Variants in BABAM2 observed in about 807,000 individuals in gnomAD.
BABAM2 encodes the protein BRISC and BRCA1-A complex member 2.
In BABAM2, 31 loss-of-function variants were observed where a neutral mutation model predicts 54.7. That is an observed-to-expected ratio of 0.57 (90% CI 0.43 to 0.77). The LOEUF is 0.77. Ranked by LOEUF, BABAM2 falls within the 30% of genes least tolerant of loss-of-function variation. The probability of loss-of-function intolerance (pLI) is 0.00; values close to 1 mark genes in which losing one functional copy is unlikely to be tolerated. For synonymous variants in BABAM2, 167 were observed against 162.9 expected (o/e 1.03, Z -0.19); for missense variants, 364 against 455.8 (o/e 0.80, Z 1.83).
At chr2:28,248,207 C>CTTTTTTTTTTTTTT (rs780563394) in intron 10 of BABAM2, among the ~76,000 whole-genome samples, 25 of 54,302 alleles carry the variant, frequency 4.6e-4, no homozygotes, top group African/African-American at 6.0e-4. Context: ...TTTTCTTTTT[C>CTTTTTTTTTTTTTT]TTTTTTTTTT....
chr2:28,098,599 C>T (rs371174761), intron 6 of BABAM2, among the ~76,000 whole-genome samples: 28 of 152,206 alleles, frequency 1.8e-4, no homozygotes, highest in African/African-American at 6.7e-4. Flanking sequence ...CCCTTGCTTC[C>T]CTATGAACTA....
At chr2:28,272,796 G>A (rs533246585) in intron 10 of BABAM2, among the ~76,000 whole-genome samples, 1 of 152,308 alleles carries the variant, frequency 6.6e-6, no homozygotes, top group South Asian at 2.1e-4. Context: ...CGAGGGTTCT[G>A]TGGGAATCAG....
At chr2:28,066,033 C>G (rs1421237183) in intron 6 of BABAM2, among the ~76,000 whole-genome samples, 1 of 150,470 alleles carries the variant, frequency 6.6e-6, no homozygotes, top group African/African-American at 2.4e-5. Context: ...GTGACACATG[C>G]CTGTAGTCCC....
At chr2:28,283,681 G>A (rs921986513) in intron 10 of BABAM2, among the ~76,000 whole-genome samples, 17 of 152,228 alleles carry the variant, frequency 1.1e-4, no homozygotes, top group African/African-American at 3.9e-4. Flanking sequence ...GGAGGTAGGT[G>A]TGGAGGGAAC....
At chr2:28,252,314 A>C (rs1329480750) in intron 10 of BABAM2, among the ~76,000 whole-genome samples, 1 of 152,240 alleles carries the variant, frequency 6.6e-6, no homozygotes, top group East Asian at 1.9e-4. Context: ...AGATAAAAGA[A>C]AATTTACTAA....
chr2:27,954,078 A>G (rs1669926153), intron 3 of BABAM2, among the ~76,000 whole-genome samples: 2 of 152,166 alleles, frequency 1.3e-5, no homozygotes, highest in Admixed American at 6.5e-5. Flanking sequence ...CGGTGCACAA[A>G]CTTGGGCACA....
At chr2:27,889,050 TCTC>T (rs1460362984), upstream of BABAM2, among the ~76,000 whole-genome samples, 2 of 152,262 alleles carry the variant, frequency 1.3e-5, no homozygotes, top group African/African-American at 4.8e-5. Flanking sequence ...TGTTGCTTCT[TCTC>T]GTTACACAGT....
At chr2:28,065,740 G>T (rs1227789578) in intron 6 of BABAM2, among the ~76,000 whole-genome samples, 3 of 152,030 alleles carry the variant, frequency 2.0e-5, no homozygotes, top group Admixed American at 1.3e-4. Context: ...GCCCTGCCTG[G>T]TTTTGCCTTT....
intron 2 of BABAM2, among the ~76,000 whole-genome samples, chr2:27,918,909 TA>T (rs1667166932): frequency 6.6e-6 from 1 of 152,258 alleles, no homozygotes; most frequent in African/African-American, 2.4e-5. Context: ...AGGCTGGTCT[TA>T]AACTTTTGAG....
intron 7 of BABAM2, chr2:28,233,216 G>A (rs1025835607): frequency 2.1e-6 from 1 of 471,578 alleles, no homozygotes; most frequent in African/African-American, 2.0e-5. Context: ...GGGATCAGAA[G>A]TATCAGTGCC....
At chr2:28,077,806 A>C (rs935585142) in intron 6 of BABAM2, among the ~76,000 whole-genome samples, 1 of 152,176 alleles carries the variant, frequency 6.6e-6, no homozygotes, top group African/African-American at 2.4e-5. Context: ...GAGTGACAAT[A>C]TCTTGGAAAG....
At chr2:27,892,837 CAGA>C (rs940407585) in intron 1 of BABAM2, among the ~76,000 whole-genome samples, 3 of 152,036 alleles carry the variant, frequency 2.0e-5, no homozygotes, top group Admixed American at 2.0e-4. Flanking sequence ...GTTAAGCGGT[CAGA>C]AGAAGAGCTT....
chr2:27,892,560 A>G (rs906662130), intron 1 of BABAM2: 9 of 152,222 alleles, frequency 5.9e-5, no homozygotes, highest in African/African-American at 2.2e-4. Flanking sequence ...AATGTTGGCG[A>G]ATAGAAAAAA....
intron 5 of BABAM2, among the ~76,000 whole-genome samples, chr2:28,040,163 G>T (rs1676956350): frequency 6.6e-6 from 1 of 151,738 alleles, no homozygotes; most frequent in African/African-American, 2.4e-5. Flanking sequence ...CACTTGTTTT[G>T]CTCTTCATTT....
intron 3 of BABAM2, among the ~76,000 whole-genome samples, chr2:27,941,455 CTCAG>C (rs1297487914): frequency 6.6e-6 from 1 of 151,794 alleles, no homozygotes; most frequent in Non-Finnish European, 1.5e-5. Flanking sequence ...TCTCAGGAGG[CTCAG>C]TCAGGAGAAT....
chr2:28,002,610 C>T (rs1013107184), intron 4 of BABAM2, among the ~76,000 whole-genome samples: 7 of 151,804 alleles, frequency 4.6e-5, no homozygotes, highest in Non-Finnish European at 8.8e-5. Context: ...GAAATTTACT[C>T]CTAGACACAT....
At chr2:27,972,773 C>CT (rs11383917) in intron 3 of BABAM2, among the ~76,000 whole-genome samples, 133,499 of 138,518 alleles carry the variant, frequency 0.96, 64,462 homozygotes, top group East Asian at 1. Context: ...TAATTATTAG[C>CT]TTTTTTTTTT....
At chr2:27,960,307 A>T (rs1403654968) in intron 3 of BABAM2, among the ~76,000 whole-genome samples, 2 of 152,150 alleles carry the variant, frequency 1.3e-5, no homozygotes, top group Non-Finnish European at 2.9e-5. Context: ...ATTTTGTGGG[A>T]GCTAAAGTAT....
upstream of BABAM2, among the ~76,000 whole-genome samples, chr2:27,888,844 A>C (rs558182537): frequency 7.8e-4 from 119 of 152,294 alleles, 1 homozygote; most frequent in South Asian, 0.024. Context: ...AATATTTACT[A>C]TCTGGCCCTT....
Sources: gnomAD v4.1 joint callset for allele counts (sites outside exome capture counted in the v4.1 genomes callset) on GRCh38, gnomAD v4.1.1 for gene constraint, MANE v1.5 for transcripts, NCBI Gene and HGNC (gene_info 2026-07-23, HGNC 2026-07-21) for gene names.